Variants in CSDE1 observed in about 807,000 individuals in gnomAD.
CSDE1 encodes the protein cold shock domain-containing protein E1.
A neutral mutation model predicts 89.3 loss-of-function variants in CSDE1; 17 were observed. The ratio of observed to expected loss-of-function variants is 0.19; its 90% CI spans 0.13 to 0.29. The LOEUF (loss-of-function observed/expected upper bound fraction) is 0.29. Ranked by LOEUF, CSDE1 falls within the 10% of genes least tolerant of loss-of-function variation. The pLI, the probability that CSDE1 is intolerant of heterozygous loss-of-function variation, is 1.00. For missense variants in CSDE1, 672 were observed against 984.2 expected, an observed-to-expected ratio of 0.68 and a Z score of 4.24; for synonymous variants, 322 against 332.8, an observed-to-expected ratio of 0.97 and a Z score of 0.35.
At chr1:114,757,497 C>T (rs1369632947) in intron 1 of CSDE1, among the ~76,000 whole-genome samples, 1 of 152,050 alleles carries the variant, frequency 6.6e-6, no homozygotes, top group Non-Finnish European at 1.5e-5. Flanking sequence ...CCACCACCCC[C>T]TCGCCCCGCC....
rs772139134 is a variant in CSDE1, at chr1:114,739,660, T to A, written c.199+32A>T. 23 of 1,568,624 alleles carry A rather than the reference T, an allele frequency of 1.5e-5. 1 individual carries two copies. The South Asian group carries it at 1.7e-4, about 12-fold the overall frequency. On this transcript the variant is annotated intron_variant, in intron 3 of 19. Transcript: ENST00000358528. ...TGATATGCAAGACAAATTTTGTGAT[T>A]ACATTTTTACAAAGGAGAACTGACA...
At chr1:114,733,481 G>A (rs1437596335) in intron 9 of CSDE1, among the ~76,000 whole-genome samples, 18 of 148,614 alleles carry the variant, frequency 1.2e-4, no homozygotes, top group African/African-American at 1.7e-4. Context: ...AGCCGAGATC[G>A]CGCCACTGCA....
At chr1:114,736,665 T>C in intron 6 of CSDE1, 93 bp downstream of exon 6, 1 of 722,346 alleles carries the variant, frequency 1.4e-6, no homozygotes, top group Admixed American at 2.7e-5. Flanking sequence ...TATCCAGACT[T>C]ACAAGTTAGG....
intron 18 of CSDE1, 166 bp from the exon 19 acceptor site, chr1:114,718,911 T>C: frequency 2.9e-6 from 2 of 699,938 alleles, no homozygotes; most frequent in Non-Finnish European, 4.6e-6. Flanking sequence ...AGTTTGTTTA[T>C]GTATTATTAT....
At chr1:114,748,068 G>A (rs1233570550) in intron 2 of CSDE1, among the ~76,000 whole-genome samples, 1 of 152,148 alleles carries the variant, frequency 6.6e-6, no homozygotes, top group Admixed American at 6.5e-5. Context: ...CTGTTTATGA[G>A]ACATAGATAA....
At chr1:114,733,705 A>G (rs1295620266) in intron 9 of CSDE1, 27 bp downstream of exon 9, 2 of 1,604,942 alleles carry the variant, frequency 1.2e-6, no homozygotes, top group Non-Finnish European at 1.7e-6. Context: ...GAGGCGAAAT[A>G]GGACTCTCCT....
chr1:114,739,975 TC>T, intron 2 of CSDE1, 85 bp from the exon 3 acceptor site: 1 of 1,197,846 alleles, frequency 8.3e-7, no homozygotes, highest in Non-Finnish European at 1.2e-6. Context: ...CACTAAATCT[TC>T]CATATAAAAA....
In CSDE1 at chr1:114,737,500, T is replaced by G; in HGVS notation, c.373A>C (p.Thr125Pro). ...KSPAAPGQSP[T>P]GSVCYERNGE... is the part of the protein sequence containing the mutation. ...TTACGTTCGTAGCATACACTCCCTGTTGGACTCTGACCCGGGGCAGCTGGA... is the reference window on the plus strand; with the variant it reads ...TTACGTTCGTAGCATACACTCCCTGGTGGACTCTGACCCGGGGCAGCTGGA... Residue 125 changes from threonine to proline, a missense_variant, in exon 5 of 20, where the codon ACA (threonine) becomes CCA (proline). This residue lies in a region of CSDE1 where 124 missense variants were observed against 138.7 expected (regional missense o/e 0.89). Coordinates refer to ENST00000358528, the MANE Select transcript of CSDE1 (RefSeq NM_001007553.3). 4 of 1,614,056 alleles carry G rather than the reference T, an allele frequency of 2.5e-6. No homozygotes were observed. The highest frequency in any genetic ancestry group is 3.4e-6 in the Non-Finnish European group (4 of 1,179,956).
chr1:114,735,731 C>T (rs527761148), intron 6 of CSDE1, among the ~76,000 whole-genome samples: 57 of 152,302 alleles, frequency 3.7e-4, no homozygotes, highest in African/African-American at 1.3e-3. Context: ...CTCCAACTTT[C>T]TATTTTAATT....
At chr1:114,753,261 A>T (rs1435495510) in intron 1 of CSDE1, among the ~76,000 whole-genome samples, 1 of 152,008 alleles carries the variant, frequency 6.6e-6, no homozygotes, top group Non-Finnish European at 1.5e-5. Context: ...TCCAAGATTC[A>T]GTAACACAAA....
rs147370534 is a variant in CSDE1, at chr1:114,730,348, G to T, written c.1266C>A (p.Ser422=). The T allele has an allele frequency of 6.2e-7, 1 of 1,613,980 alleles. No homozygotes were observed. The highest frequency in any genetic ancestry group is 8.5e-7 in the Non-Finnish European group (1 of 1,180,008). The change falls in exon 12 of 20, where the codon TCC becomes TCA. Residue 422 remains serine, a synonymous_variant. Transcript: ENST00000358528. Reference sequence around the variant, plus strand: ...TGCCCAGAAAACGGTGATCTGAATGGGAATGAAATGAAACCGTGCCCTTGG... The same window carrying T: ...TGCCCAGAAAACGGTGATCTGAATGTGAATGAAATGAAACCGTGCCCTTGG... ...KLPKGTVSFH[S]HSDHRFLGTV... is the part of the protein sequence containing the mutation.
chr1:114,755,445 G>A (rs1408231906), intron 1 of CSDE1, among the ~76,000 whole-genome samples: 2 of 152,220 alleles, frequency 1.3e-5, no homozygotes, highest in Admixed American at 6.5e-5. Context: ...GTGCAACATA[G>A]GGGAAACTGA....
At position 114,720,640 on chromosome 1, in the gene CSDE1, T is replaced by C. The variant is rs1659462832; in HGVS notation, c.1951A>G (p.Ser651Gly). Residue 651 changes from serine to glycine, a missense_variant, in exon 17 of 20, where the codon AGC becomes GGC. This residue lies in a region of CSDE1 where 206 missense variants were observed against 332.4 expected (regional missense o/e 0.62). Transcript: ENST00000358528. ...AGGACACACAATTGGAACTTGACGC[T>C]CTCCCCTTTCTGCAGGCAATCCCCT... ...NKGDCLQKGE[S>G]VKFQLCVLGQ... is the part of the protein sequence containing the mutation. 5 of 1,614,110 alleles carry C rather than the reference T, an allele frequency of 3.1e-6. No homozygotes were observed. In the East Asian group the frequency reaches 1.1e-4, roughly 36 times the overall value.
At chr1:114,732,359 T>C (rs1301388103) in intron 10 of CSDE1, among the ~76,000 whole-genome samples, 7 of 152,224 alleles carry the variant, frequency 4.6e-5, no homozygotes, top group Non-Finnish European at 7.3e-5. Flanking sequence ...AATCACTGAC[T>C]CTAAAAATAT....
intron 10 of CSDE1, 91 bp from the exon 11 acceptor site, chr1:114,730,739 G>C (rs1660052631): frequency 3.4e-6 from 5 of 1,462,626 alleles, no homozygotes; most frequent in Admixed American, 3.5e-5. Context: ...AATTCATCAG[G>C]AATTTTCTCT....
At chr1:114,724,636 T>TAAA (rs1659700627) in intron 15 of CSDE1, among the ~76,000 whole-genome samples, 1 of 152,228 alleles carries the variant, frequency 6.6e-6, no homozygotes, top group Admixed American at 6.5e-5. Context: ...CCCATTATTT[T>TAAA]TCACATTTAG....
At chr1:114,738,661 C>CTTTTTTTTTTTTTTTTT (rs752985259) in intron 3 of CSDE1, among the ~76,000 whole-genome samples, 4 of 80,026 alleles carry the variant, frequency 5.0e-5, no homozygotes, top group Non-Finnish European at 7.1e-5. Context: ...CATGTAAAAA[C>CTTTTTTTTTTTTTTTTT]TTTTTTTTTT....
chr1:114,738,604 GCA>G lies in CSDE1; in HGVS notation c.200-534_200-533del, dbSNP rs947946922. Among the ~76,000 whole-genome samples the G allele has an allele frequency of 5.4e-5, 8 of 148,130 alleles. No individual in the cohort carries two copies. In the South Asian group the frequency reaches 1.3e-3, roughly 24 times the overall value. On this transcript the variant is annotated intron_variant, in intron 3 of 19. Coordinates refer to ENST00000358528, the MANE Select transcript of CSDE1 (RefSeq NM_001007553.3). ...CTTTTCTCAAACGTTTTTTAAAAAT[GCA>G]CAGAGGCCTCATAATTTCAGTCCTT... is the stretch of plus-strand genomic sequence containing the variant.
In CSDE1 at chr1:114,732,790, T is replaced by G; in HGVS notation, c.864A>C (p.Lys288Asn). The change falls in exon 10 of 20, where the codon AAA becomes AAC. Residue 288 changes from lysine (K) to asparagine (N), a missense_variant. Around this residue, in one of 8 missense-constraint regions of CSDE1, gnomAD observed 169 missense variants for 262.9 expected, o/e 0.64. Transcript: ENST00000358528. ...NQNDPLPGRI[K>N]VDFVIPKELP... ...GTTCTTTAGGGATCACAAAGTCAAC[T>G]TTGATGCGTCCTGGCAATGGGTCAT... 6.2e-7 allele frequency: 1 copy of G among 1,614,222 alleles called. No individual in the cohort carries two copies.
Sources: allele counts gnomAD v4.1 joint callset (sites outside exome capture counted in the v4.1 genomes callset), GRCh38; gene constraint gnomAD v4.1.1; regional missense constraint gnomAD v4.1.1; transcripts MANE v1.5; gene names NCBI Gene and HGNC (gene_info 2026-07-23, HGNC 2026-07-21).